ZBTB20: variants seen among roughly 807,000 people sequenced by gnomAD.
ZBTB20 encodes the protein zinc finger and BTB domain containing 20, also known as zinc finger and BTB domain-containing protein 20.
In ZBTB20, 9 loss-of-function variants were observed where a neutral mutation model predicts 56.9. That is an observed-to-expected ratio of 0.16 (90% CI 0.10 to 0.28). The LOEUF (loss-of-function observed/expected upper bound fraction) is 0.28. ZBTB20 is among the 10% of genes least tolerant of loss of function. ZBTB20 has a pLI of 1.00. For synonymous variants in ZBTB20, 417 were observed against 420.7 expected (o/e 0.99, Z 0.11); for missense variants, 655 against 1,003.0 (o/e 0.65, Z 4.69).
chr3:114,811,522 G>A (rs541768121), intron 4 of ZBTB20, among the ~76,000 whole-genome samples: 4 of 152,198 alleles, frequency 2.6e-5, no homozygotes, highest in Admixed American at 6.5e-5. Flanking sequence ...TTCCTTCAGA[G>A]ACTTAAATAG....
At chr3:114,603,517 C>G (rs900111532) in intron 6 of ZBTB20, among the ~76,000 whole-genome samples, 1 of 151,750 alleles carries the variant, frequency 6.6e-6, no homozygotes, top group Admixed American at 6.6e-5. Context: ...GACTTTTTAC[C>G]TATAACTCAT....
intron 4 of ZBTB20, among the ~76,000 whole-genome samples, chr3:114,839,465 A>AAGAAAGAAAGAAAGAAAGAAAGAAAG (rs767019231): frequency 2.4e-4 from 36 of 148,360 alleles, no homozygotes; most frequent in South Asian, 4.4e-4. Context: ...GAAAGAAAGA[A>AAGAAAGAAAGAAAGAAAGAAAGAAAG]AGAGAGAGAG....
At chr3:115,109,312 T>C (rs1411807304) in intron 1 of ZBTB20, among the ~76,000 whole-genome samples, 1 of 152,200 alleles carries the variant, frequency 6.6e-6, no homozygotes, top group Middle Eastern at 3.2e-3. Flanking sequence ...AAAAGGTACA[T>C]CTTAATTGCC....
chr3:114,797,379 T>C (rs1024951281), intron 5 of ZBTB20, among the ~76,000 whole-genome samples: 5 of 151,868 alleles, frequency 3.3e-5, no homozygotes, highest in Admixed American at 1.3e-4. Context: ...AAGCATTCTA[T>C]GTTGAAATCA....
At chr3:114,713,971 C>G (rs2064277418) in intron 5 of ZBTB20, 1 of 152,554 alleles carries the variant, frequency 6.6e-6, no homozygotes, top group South Asian at 2.1e-4. Context: ...CTGACTTTCA[C>G]TTACCTGTGA....
At chr3:114,543,258 AT>A (rs536430897) in intron 6 of ZBTB20, among the ~76,000 whole-genome samples, 62 of 151,522 alleles carry the variant, frequency 4.1e-4, no homozygotes, top group Admixed American at 9.8e-4. Context: ...GTATATTGTT[AT>A]TTTTTATTGT....
intron 6 of ZBTB20, among the ~76,000 whole-genome samples, chr3:114,552,443 C>T (rs115464373): frequency 7.8e-4 from 117 of 150,412 alleles, no homozygotes; most frequent in African/African-American, 2.8e-3. Context: ...TTTTTTTTTC[C>T]ACTTCCCTTA....
At chr3:114,903,000 T>A (rs984672552) in intron 3 of ZBTB20, among the ~76,000 whole-genome samples, 7 of 152,166 alleles carry the variant, frequency 4.6e-5, no homozygotes, top group Non-Finnish European at 8.8e-5. Context: ...GCTGCAGGAT[T>A]ATTCCAATGT....
intron 5 of ZBTB20, among the ~76,000 whole-genome samples, chr3:114,718,430 C>T (rs2064664963): frequency 6.6e-6 from 1 of 152,096 alleles, no homozygotes; most frequent in Non-Finnish European, 1.5e-5. Context: ...AGTTCACTTT[C>T]ATCTCAAGAG....
At chr3:115,134,668 C>T (rs373036951) in intron 1 of ZBTB20, among the ~76,000 whole-genome samples, 2 of 152,094 alleles carry the variant, frequency 1.3e-5, no homozygotes, top group East Asian at 3.9e-4. Flanking sequence ...TCCTTAAGTG[C>T]TCCCAATTTT....
chr3:115,023,787 A>G (rs1460172702), intron 2 of ZBTB20, among the ~76,000 whole-genome samples: 4 of 150,854 alleles, frequency 2.7e-5, no homozygotes. Flanking sequence ...TACTCAGAGG[A>G]AAAAATGATG....
chr3:114,352,603 T>C lies in ZBTB20; in HGVS notation c.200-725A>G, dbSNP rs114258886. On this transcript the variant is annotated intron_variant, in intron 10 of 11. Transcript: ENST00000675478. The stretch of plus-strand genomic sequence containing the variant: ...TGCTTTCTGTATCTACTCATTCTTC[T>C]TGTCATCTCTGACAACCTGTTTGAG... Among the ~76,000 whole-genome samples, 416 of 152,344 alleles carry C rather than the reference T, an allele frequency of 2.7e-3. 1 individual carries two copies. The highest frequency in any genetic ancestry group is 0.01 in the Middle Eastern group (3 of 294).
At chr3:114,514,096 A>T (rs1260821620) in intron 6 of ZBTB20, among the ~76,000 whole-genome samples, 1 of 152,192 alleles carries the variant, frequency 6.6e-6, no homozygotes, top group Non-Finnish European at 1.5e-5. Context: ...TGGTCATATT[A>T]ATCTCCAAAC....
intron 6 of ZBTB20, among the ~76,000 whole-genome samples, chr3:114,625,846 C>G (rs1016282736): frequency 6.6e-6 from 1 of 151,912 alleles, no homozygotes; most frequent in Non-Finnish European, 1.5e-5. Flanking sequence ...CAAGGTTCAA[C>G]ATAAAAAAAA....
chr3:114,443,635 G>A (rs546059440), intron 7 of ZBTB20, among the ~76,000 whole-genome samples: 1 of 152,262 alleles, frequency 6.6e-6, no homozygotes, highest in African/African-American at 2.4e-5. Flanking sequence ...TTCATTGCAT[G>A]AGAAGACAAT....
At chr3:115,002,579 G>C (rs1260310530) in intron 2 of ZBTB20, among the ~76,000 whole-genome samples, 3 of 151,504 alleles carry the variant, frequency 2.0e-5, no homozygotes, top group African/African-American at 7.3e-5. Flanking sequence ...TGAAAAACCT[G>C]CATAGAAAAT....
At chr3:115,092,135 A>C (rs1008638160) in intron 1 of ZBTB20, among the ~76,000 whole-genome samples, 1 of 152,110 alleles carries the variant, frequency 6.6e-6, no homozygotes, top group Non-Finnish European at 1.5e-5. Flanking sequence ...ACACATCCTA[A>C]CTTTTTCTTG....
chr3:114,415,020 C>T (rs2088389457), intron 7 of ZBTB20, among the ~76,000 whole-genome samples: 1 of 151,320 alleles, frequency 6.6e-6, no homozygotes, highest in Admixed American at 6.6e-5. Flanking sequence ...ATAGCTTTCA[C>T]AAATGTTCCC....
intron 3 of ZBTB20, among the ~76,000 whole-genome samples, chr3:114,937,779 T>C (rs572961858): frequency 1.3e-5 from 2 of 152,002 alleles, no homozygotes; most frequent in East Asian, 3.9e-4. Context: ...TTTGATAGGG[T>C]TGTTTGTTTT....
Sources: allele counts gnomAD v4.1 joint callset (sites outside exome capture counted in the v4.1 genomes callset), GRCh38; gene constraint gnomAD v4.1.1; transcripts MANE v1.5; gene names NCBI Gene and HGNC (gene_info 2026-07-23, HGNC 2026-07-21).